The following C5AR2 variants were observed in gnomAD, a reference collection of about 807,000 sequenced individuals.
C5AR2 encodes C5a anaphylatoxin chemotactic receptor 2.
For missense variants in C5AR2, 458 were observed against 467.5 expected (o/e 0.98, Z 0.19); for synonymous variants, 224 against 216.5 (o/e 1.03, Z -0.30).
Position 47,341,504 on chromosome 19 carries a change from C to T in C5AR2, c.705C>T (p.Gly235=), listed in dbSNP as rs1196040380. ...CAGCCCGACGCTGCCGGCCGCTGGG[C>T]ACAGCCATTGTGGTGGGGTTTTTTG... ...CWAARRCRPL[G]TAIVVGFFVC... is the part of the protein sequence containing the mutation. The change falls in exon 2 of 2, where the codon GGC becomes GGT. Residue 235 remains glycine (G), a synonymous_variant. Coordinates refer to ENST00000595464, the MANE Select transcript of C5AR2 (RefSeq NM_001271749.2). This position sits in a 1 kb window ranked among gnomAD's most constrained non-coding sequence, Gnocchi z 4.6. 1 of 1,612,056 alleles carries T rather than the reference C, an allele frequency of 6.2e-7. No homozygotes were observed. The highest frequency in any genetic ancestry group is 2.2e-5 in the East Asian group (1 of 44,860).
At chr19:47,333,120 C>T (rs976052275) in intron 1 of C5AR2, among the ~76,000 whole-genome samples, 19 of 151,630 alleles carry the variant, frequency 1.3e-4, no homozygotes, top group African/African-American at 4.6e-4. Context: ...TTCTCCTGCC[C>T]CAGCCTGCTG....
rs1264744406 is a variant in C5AR2, at chr19:47,341,235, C to T, written c.436C>T (p.Gln146Ter). The T allele has an allele frequency of 6.2e-7, 1 of 1,602,068 alleles. No homozygotes were observed. The highest frequency in any genetic ancestry group is 1.1e-5 in the South Asian group (1 of 91,076). The part of the protein sequence containing the change: ...ALGPAWWSTV[Q>*]RACGVQVACG... ...CGGGCCTGCCTGGTGGTCTACGGTT[C>T]AGCGGGCGTGCGGGGTGCAGGTGGC... Residue 146 changes from glutamine to a stop codon, truncating the protein, a stop_gained, in exon 2 of 2, where the codon CAG becomes TAG. Coordinates refer to ENST00000595464, the MANE Select transcript of C5AR2 (RefSeq NM_001271749.2). LOFTEE classifies it low-confidence loss of function (END_TRUNC). The surrounding 1 kb of genome is among the most constrained non-coding windows in gnomAD (Gnocchi z 4.6).
intron 1 of C5AR2, among the ~76,000 whole-genome samples, chr19:47,337,938 G>T (rs2122165941): frequency 6.6e-6 from 1 of 151,882 alleles, no homozygotes; most frequent in African/African-American, 2.4e-5. Flanking sequence ...CCCGGGCATG[G>T]TGGTGCACGC....
chr19:47,336,378 C>T (rs1194149191), intron 1 of C5AR2, among the ~76,000 whole-genome samples: 2 of 151,882 alleles, frequency 1.3e-5, no homozygotes, highest in East Asian at 3.9e-4. Flanking sequence ...GTGTGAGCCA[C>T]TGTGCCCGGC....
chr19:47,336,505 CT>C (rs2059359177), intron 1 of C5AR2, among the ~76,000 whole-genome samples: 1 of 142,142 alleles, frequency 7.0e-6, no homozygotes, highest in South Asian at 2.3e-4. Context: ...TTCTTTCTTT[CT>C]TTCTTTTTCT....
In C5AR2 at chr19:47,341,225, G is replaced by C; in HGVS notation, c.426G>C (p.Trp142Cys). ...TCCTGGCTCTCGGGCCTGCCTGGTG[G>C]TCTACGGTTCAGCGGGCGTGCGGGG... Reference protein sequence around the residue: ...LCFLALGPAWWSTVQRACGVQ... With the variant: ...LCFLALGPAWCSTVQRACGVQ... The change falls in exon 2 of 2, where the codon TGG becomes TGC. Residue 142 changes from tryptophan (W) to cysteine (C), a missense_variant. Physicochemically the swap from Trp to Cys is radical, Grantham distance 215. Coordinates refer to ENST00000595464, the MANE Select transcript of C5AR2 (RefSeq NM_001271749.2). This position sits in a 1 kb window ranked among gnomAD's most constrained non-coding sequence, Gnocchi z 4.6. The C allele has an allele frequency of 6.2e-7, 1 of 1,601,736 alleles. No homozygotes were observed. Among genetic ancestry groups the C allele is most frequent in the Non-Finnish European group, 8.5e-7 (1 of 1,179,886 alleles).
Position 47,347,121 on chromosome 19 carries a change from A to G in C5AR2, c.*5308A>G, listed in dbSNP as rs1969130954. On this transcript the variant is annotated 3_prime_UTR_variant, in exon 2 of 2. Coordinates refer to ENST00000595464, the MANE Select transcript of C5AR2 (RefSeq NM_001271749.2). ...CCCTTTTTTGTTCTAAAGTTTGTCT[A>G]TTTCTGCTATTTGTTTTTTTACCAT... 6.6e-6 allele frequency: 1 copy of G among 151,678 alleles called. No homozygotes were observed. Among genetic ancestry groups the G allele is most frequent in the African/African-American group, 2.4e-5 (1 of 41,200 alleles). 9.4% of individuals were successfully genotyped at this position (151,678 alleles called of 1,614,324 possible).
chr19:47,341,126 G>T lies in C5AR2; in HGVS notation c.327G>T (p.Ala109=), dbSNP rs373920189. Residue 109 remains alanine (A), a synonymous_variant, in exon 2 of 2, where the codon GCG becomes GCT. Coordinates refer to ENST00000595464, the MANE Select transcript of C5AR2 (RefSeq NM_001271749.2). This position sits in a 1 kb window ranked among gnomAD's most constrained non-coding sequence, Gnocchi z 4.6. ...HWPYGAVGCR[A]LPSIILLTMY... ...CGTATGGTGCAGTGGGCTGTCGGGC[G>T]CTGCCCTCCATCATCCTGCTGACCA... 15 of 1,602,470 alleles carry T rather than the reference G, an allele frequency of 9.4e-6. No individual in the cohort carries two copies. Among genetic ancestry groups the T allele is most frequent in the Non-Finnish European group, 1.1e-5 (13 of 1,179,874 alleles).
At position 47,340,999 on chromosome 19, in the gene C5AR2, G is replaced by A. The variant is rs1166262279; in HGVS notation, c.200G>A (p.Arg67Lys). The A allele has an allele frequency of 6.2e-7, 1 of 1,609,774 alleles. No homozygotes were observed. Among genetic ancestry groups the A allele is most frequent in the Admixed American group, 1.7e-5 (1 of 60,002 alleles). ...GTGGCTGGGAAGGTGGCCCGCCGGA[G>A]GGTGGGTGCCACCTGGTTGCTCCAC... ...AWVAGKVARR[R>K]VGATWLLHLA... The change falls in exon 2 of 2, where the codon AGG (arginine) becomes AAG (lysine). Residue 67 changes from arginine to lysine, a missense_variant. Coordinates refer to ENST00000595464, the MANE Select transcript of C5AR2 (RefSeq NM_001271749.2).
At chr19:47,334,317 A>T (rs1461013577) in intron 1 of C5AR2, among the ~76,000 whole-genome samples, 3 of 151,994 alleles carry the variant, frequency 2.0e-5, no homozygotes, top group Admixed American at 6.6e-5. Flanking sequence ...TTGACTTACA[A>T]TGGGGTCCCA....
At chr19:47,333,506 G>A (rs980871335) in intron 1 of C5AR2, among the ~76,000 whole-genome samples, 5 of 152,006 alleles carry the variant, frequency 3.3e-5, no homozygotes, top group Non-Finnish European at 7.4e-5. Context: ...GTTCTTTTGC[G>A]GAAAGGAGGC....
intron 1 of C5AR2, among the ~76,000 whole-genome samples, chr19:47,340,246 C>T (rs937245797): frequency 1.3e-5 from 2 of 152,078 alleles, no homozygotes; most frequent in South Asian, 2.1e-4. Flanking sequence ...CCTGAACCAC[C>T]GTGCCCAGCC....
At chr19:47,336,703 C>T (rs891265436) in intron 1 of C5AR2, among the ~76,000 whole-genome samples, 83 of 151,666 alleles carry the variant, frequency 5.5e-4, no homozygotes, top group Middle Eastern at 6.8e-3. Context: ...GACAGAGGGT[C>T]TCACTGTGTT....
intron 1 of C5AR2, among the ~76,000 whole-genome samples, chr19:47,333,666 C>A (rs1052820930): frequency 1.3e-4 from 19 of 149,556 alleles, no homozygotes; most frequent in Non-Finnish European, 2.8e-4. Flanking sequence ...GCAACCTCCG[C>A]CTCCTGGGTT....
rs1344671244 is a variant in C5AR2 at position 47,346,863 on chromosome 19, A to C, written c.*5050A>C. 4 of 152,234 alleles carry C rather than the reference A, an allele frequency of 2.6e-5. No individual in the cohort carries two copies. The highest frequency in any genetic ancestry group is 5.9e-5 in the Non-Finnish European group (4 of 68,046). The allele number at this position is 152,234 out of a possible 1,614,324, so 9.4% of individuals were successfully genotyped here. A position where few individuals can be genotyped will look rare whatever the true frequency, so the allele number is the denominator to read the frequency against. ...GGGCTAAAACCCCGCTTTGGGGCTT[A>C]AAGTTTGCAAAATCCTCCCATTAAT... On this transcript the variant is annotated 3_prime_UTR_variant, in exon 2 of 2. Coordinates refer to ENST00000595464, the MANE Select transcript of C5AR2 (RefSeq NM_001271749.2).
In C5AR2 at chr19:47,341,218, C is replaced by T; in HGVS notation, c.419C>T (p.Ala140Val). 6.2e-7 allele frequency: 1 copy of T among 1,601,584 alleles called. No individual in the cohort carries two copies. Among genetic ancestry groups the T allele is most frequent in the Non-Finnish European group, 8.5e-7 (1 of 1,179,888 alleles). Residue 140 changes from alanine (A) to valine (V), a missense_variant, in exon 2 of 2, where the codon GCC becomes GTC. Physicochemically the swap from Ala to Val is moderately conservative, Grantham distance 64. Coordinates refer to ENST00000595464, the MANE Select transcript of C5AR2 (RefSeq NM_001271749.2). The surrounding 1 kb of genome is among the most constrained non-coding windows in gnomAD (Gnocchi z 4.6). ...CTCTGCTTCCTGGCTCTCGGGCCTG[C>T]CTGGTGGTCTACGGTTCAGCGGGCG... The part of the protein sequence containing the change: ...ADLCFLALGP[A>V]WWSTVQRACG...
In C5AR2 at chr19:47,344,147, G is replaced by A. The variant is rs1969084711; in HGVS notation, c.*2334G>A. On this transcript the variant is annotated 3_prime_UTR_variant, in exon 2 of 2. Coordinates refer to ENST00000595464, the MANE Select transcript of C5AR2 (RefSeq NM_001271749.2). ...CCTTGAGCCCAGAAGCTGGAGACCT[G>A]CCTGGGCAACAGAGCAAGACCCCAT... is the stretch of plus-strand genomic sequence containing the variant. 2.0e-5 allele frequency: 3 copies of A among 152,152 alleles called. No homozygotes were observed. The highest frequency in any genetic ancestry group is 4.4e-5 in the Non-Finnish European group (3 of 68,066). The allele number at this position is 152,152 out of a possible 1,614,324, so 9.4% of individuals were successfully genotyped here.
intron 1 of C5AR2, among the ~76,000 whole-genome samples, chr19:47,335,429 C>T (rs1473987848): frequency 1.3e-5 from 2 of 151,934 alleles, no homozygotes; most frequent in Non-Finnish European, 2.9e-5. Context: ...ATGCCATCTA[C>T]GATACCATTG....
intron 1 of C5AR2, among the ~76,000 whole-genome samples, chr19:47,334,469 A>G (rs1259496070): frequency 0.023 from 3 of 128 alleles, no homozygotes; most frequent in East Asian, 0.33. Context: ...GTCCATACAG[A>G]AAAAAAAAAA....
Sources: gnomAD v4.1 joint callset for allele counts (sites outside exome capture counted in the v4.1 genomes callset) on GRCh38, gnomAD v4.1.1 for gene constraint, Gnocchi (gnomAD v3.1) non-coding constraint, MANE v1.5 for transcripts, NCBI Gene and HGNC (gene_info 2026-07-23, HGNC 2026-07-21) for gene names.